The following VPS8 variants were observed in gnomAD, a reference collection of about 807,000 sequenced individuals.
VPS8 encodes the protein vacuolar protein sorting-associated protein 8 homolog.
A neutral mutation model predicts 216.4 loss-of-function variants in VPS8; 129 were observed. The ratio of observed to expected loss-of-function variants is 0.60; its 90% CI spans 0.52 to 0.69. The LOEUF is 0.69. VPS8 is among the 30% of genes least tolerant of loss of function. The probability of loss-of-function intolerance (pLI) is 0.00; values close to 1 mark genes in which losing one functional copy is unlikely to be tolerated. For missense variants in VPS8, 1,531 were observed against 1,683.5 expected (o/e 0.91, Z 1.59); for synonymous variants, 571 against 565.4 (o/e 1.01, Z -0.14).
rs186243366 is a variant in VPS8 at position 184,848,903 on chromosome 3, G to A, written c.542-168G>A. ...TGTATTTTTAAGTGTCTAATTCAACGCCCAGCATCTGCTAGTTGCTCAATA... is the reference window on the plus strand; with the variant it reads ...TGTATTTTTAAGTGTCTAATTCAACACCCAGCATCTGCTAGTTGCTCAATA... On this transcript the variant is annotated intron_variant, in intron 8 of 47. Transcript: ENST00000625842. 106 of 618,528 alleles carry A rather than the reference G, an allele frequency of 1.7e-4. 1 individual carries two copies. In the African/African-American group the frequency reaches 1.8e-3, roughly 11 times the overall value. 38.3% of individuals were successfully genotyped at this position (618,528 alleles called of 1,614,324 possible).
intron 31 of VPS8, among the ~76,000 whole-genome samples, chr3:184,927,293 T>A (rs1440104399): frequency 6.6e-6 from 1 of 152,160 alleles, no homozygotes; most frequent in Non-Finnish European, 1.5e-5. Flanking sequence ...CTACTAAAAT[T>A]AAGTACCATG....
chr3:184,833,156 C>T (rs1285430494), intron 4 of VPS8, among the ~76,000 whole-genome samples: 5 of 152,126 alleles, frequency 3.3e-5, no homozygotes, highest in Non-Finnish European at 5.9e-5. Flanking sequence ...CCCACCCTCC[C>T]GCACCTCCCT....
In VPS8 at chr3:184,853,846, T is replaced by C. The variant is rs771162313; in HGVS notation, c.822-11T>C. On this transcript the variant is annotated splice_polypyrimidine_tract_variant and intron_variant, in intron 11 of 47. Coordinates refer to ENST00000625842, the MANE Select transcript of VPS8 (RefSeq NM_001009921.3). ...CTAAATTGATTCTGAATTTTCAAAT[T>C]GCATTTTCAGGAGAGTGATGGGAGT... 2.6e-6 allele frequency: 4 copies of C among 1,558,380 alleles called. No homozygotes were observed. The highest frequency in any genetic ancestry group is 3.5e-6 in the Non-Finnish European group (4 of 1,150,194).
chr3:185,031,967 C>A (rs1758236705), intron 46 of VPS8, among the ~76,000 whole-genome samples: 1 of 152,086 alleles, frequency 6.6e-6, no homozygotes, highest in Non-Finnish European at 1.5e-5. Flanking sequence ...AGTTCGAGAC[C>A]AGCCTGACCA....
chr3:185,038,546 C>G (rs555822908), intron 46 of VPS8, among the ~76,000 whole-genome samples: 2 of 152,300 alleles, frequency 1.3e-5, no homozygotes, highest in East Asian at 3.9e-4. Context: ...AAGTCTCTTC[C>G]CAGTTGCATT....
chr3:184,834,995 G>A (rs1720754686), intron 5 of VPS8: 2 of 323,196 alleles, frequency 6.2e-6, no homozygotes, highest in Non-Finnish European at 1.1e-5. Flanking sequence ...ATGGCAGCAA[G>A]CCTAAAATAA....
intron 21 of VPS8, among the ~76,000 whole-genome samples, chr3:184,884,233 C>T (rs1325928507): frequency 1.3e-5 from 2 of 152,086 alleles, no homozygotes; most frequent in Non-Finnish European, 2.9e-5. Flanking sequence ...GCCCCCGACC[C>T]GCCGACAGAC....
chr3:185,028,711 C>T (rs914150276), intron 46 of VPS8, among the ~76,000 whole-genome samples: 25 of 152,214 alleles, frequency 1.6e-4, no homozygotes, highest in Admixed American at 1.3e-4. Flanking sequence ...GTCCTTCCTT[C>T]CCTGAGCTCA....
chr3:184,852,666 G>A, intron 11 of VPS8, 99 bp downstream of exon 11: 1 of 1,130,694 alleles, frequency 8.8e-7, no homozygotes, highest in Admixed American at 2.2e-5. Context: ...CCCTGTAATT[G>A]AGAGTAGATT....
chr3:184,872,059 C>T (rs901126995), intron 21 of VPS8, among the ~76,000 whole-genome samples: 2 of 151,936 alleles, frequency 1.3e-5, no homozygotes, highest in Admixed American at 6.6e-5. Flanking sequence ...AGGAAGAAGA[C>T]ATATGGTAGA....
intron 44 of VPS8, among the ~76,000 whole-genome samples, chr3:184,997,466 T>C (rs540958821): frequency 9.8e-5 from 15 of 152,318 alleles, no homozygotes; most frequent in Admixed American, 7.8e-4. Context: ...TGCAGGAAGA[T>C]TGGTAGACTT....
At chr3:184,837,940 A>G (rs1432198543) in intron 5 of VPS8, among the ~76,000 whole-genome samples, 3 of 152,246 alleles carry the variant, frequency 2.0e-5, no homozygotes, top group Non-Finnish European at 2.9e-5. Context: ...CTGAGAATCA[A>G]GTAGTGTAAT....
At chr3:184,926,546 A>T in intron 30 of VPS8, 48 bp from the exon 31 acceptor site, 1 of 1,518,324 alleles carries the variant, frequency 6.6e-7, no homozygotes, top group Non-Finnish European at 8.9e-7. Context: ...TGAGAGTATT[A>T]ATGTCTAGAT....
intron 45 of VPS8, among the ~76,000 whole-genome samples, chr3:185,002,693 A>G (rs1391463234): frequency 2.6e-5 from 4 of 152,224 alleles, no homozygotes; most frequent in Non-Finnish European, 5.9e-5. Flanking sequence ...ATAAATGAGA[A>G]CATAAGATGC....
intron 29 of VPS8, among the ~76,000 whole-genome samples, chr3:184,921,779 A>G (rs1310494586): frequency 2.0e-5 from 3 of 152,050 alleles, no homozygotes; most frequent in Non-Finnish European, 4.4e-5. Context: ...TGGCCAGGCT[A>G]GTCTCGAACT....
intron 34 of VPS8, among the ~76,000 whole-genome samples, chr3:184,933,760 T>C (rs1019258605): frequency 5.9e-5 from 9 of 152,212 alleles, no homozygotes; most frequent in Non-Finnish European, 7.3e-5. Flanking sequence ...TCAGCAATGC[T>C]ACCTTTGTGA....
At chr3:184,989,389 C>T (rs1464958482) in intron 42 of VPS8, among the ~76,000 whole-genome samples, 1 of 151,950 alleles carries the variant, frequency 6.6e-6, no homozygotes, top group Non-Finnish European at 1.5e-5. Flanking sequence ...TCTTATTTAG[C>T]CTGTTGATGT....
At chr3:184,850,783 G>A (rs965670149) in intron 10 of VPS8, among the ~76,000 whole-genome samples, 1 of 152,182 alleles carries the variant, frequency 6.6e-6, no homozygotes, top group Non-Finnish European at 1.5e-5. Context: ...TCTGTCATCC[G>A]TAAGTATGCT....
chr3:184,961,707 TTATTA>T (rs1253856033), intron 37 of VPS8, among the ~76,000 whole-genome samples: 8 of 140,274 alleles, frequency 5.7e-5, no homozygotes, highest in East Asian at 2.1e-4. Flanking sequence ...AGTAGATATT[TTATTA>T]TAAGTTGCCT....
Sources: gnomAD v4.1 joint callset for allele counts (sites outside exome capture counted in the v4.1 genomes callset) on GRCh38, gnomAD v4.1.1 for gene constraint, MANE v1.5 for transcripts, NCBI Gene and HGNC (gene_info 2026-07-23, HGNC 2026-07-21) for gene names.